Variants in PHC2 observed in about 807,000 individuals in gnomAD.
PHC2 encodes polyhomeotic-like protein 2.
In PHC2, 29 loss-of-function variants were observed where a neutral mutation model predicts 87.4. The ratio of observed to expected loss-of-function variants is 0.33; its 90% confidence interval spans 0.25 to 0.45. The LOEUF is 0.45. Among genes scored for constraint, PHC2 ranks in the 20% least tolerant of loss-of-function variants. PHC2 has a pLI of 1.00. For synonymous variants in PHC2, 438 were observed against 461.7 expected (o/e 0.95, Z 0.66); for missense variants, 857 against 1,136.7 (o/e 0.75, Z 3.54).
Position 33,352,774 on chromosome 1 carries a change from G to A in PHC2, c.1558+1627C>T, listed in dbSNP as rs532794352. 2.2e-4 allele frequency among the ~76,000 whole-genome samples: 33 copies of A among 152,284 alleles called. No individual in the cohort carries two copies. In the South Asian group the frequency reaches 6.4e-3, roughly 30 times the overall value. On this transcript the variant is annotated intron_variant, in intron 9 of 14. Coordinates refer to ENST00000683057, the MANE Select transcript of PHC2 (RefSeq NM_001385109.1). ...GTGGGAGAGTTCACGGGGGCCATTC[G>A]TGCACCATCCTGATGAAGGAAGGTG...
At position 33,330,705 on chromosome 1, in the gene PHC2, A is replaced by G. The variant is rs139763350; in HGVS notation, c.2007-493T>C. 2.8e-3 allele frequency among the ~76,000 whole-genome samples: 434 copies of G among 152,300 alleles called. 2 individuals carry two copies. Among genetic ancestry groups the G allele is most frequent in the African/African-American group, 9.9e-3 (411 of 41,564 alleles). ...TCTCTTCTGGGATTTCAGGGCTTCA[A>G]GGTCAGCTGTTGCTTCCATTGTGGT... is the stretch of plus-strand genomic sequence containing the variant. On this transcript the variant is annotated intron_variant, in intron 12 of 14. Transcript: ENST00000683057.
chr1:33,355,501 A>G (rs941744077), intron 7 of PHC2, among the ~76,000 whole-genome samples: 17 of 152,144 alleles, frequency 1.1e-4, no homozygotes, highest in African/African-American at 3.9e-4. Flanking sequence ...CCATCCCCAA[A>G]GCTCAACTCC....
intron 1 of PHC2, among the ~76,000 whole-genome samples, chr1:33,380,914 G>A (rs1461856703): frequency 3.3e-5 from 5 of 152,146 alleles, no homozygotes; most frequent in Admixed American, 6.5e-5. Context: ...TGACCAAGGT[G>A]CCCAGGTCAT....
intron 1 of PHC2, among the ~76,000 whole-genome samples, chr1:33,413,510 C>T (rs996458043): frequency 3.9e-5 from 6 of 152,286 alleles, no homozygotes; most frequent in Admixed American, 2.6e-4. Flanking sequence ...GTGGCTGGTG[C>T]AGGAGATTAT....
chr1:33,338,167 T>C (rs1167003484), intron 9 of PHC2, among the ~76,000 whole-genome samples: 2 of 152,200 alleles, frequency 1.3e-5, no homozygotes, highest in Admixed American at 1.3e-4. Flanking sequence ...AGAAGATCAC[T>C]CTTGAGGTCA....
intron 1 of PHC2, among the ~76,000 whole-genome samples, chr1:33,379,425 A>C (rs1474986018): frequency 2.1e-4 from 3 of 14,290 alleles, no homozygotes; most frequent in African/African-American, 3.2e-4. Flanking sequence ...CCCTCCCACC[A>C]TTCCCCCTGT....
intron 7 of PHC2, chr1:33,362,979 GTTAAGA>G (rs566175122): frequency 4.5e-4 from 69 of 152,326 alleles, no homozygotes; most frequent in African/African-American, 1.6e-3. Context: ...AATAATCACT[GTTAAGA>G]TTAAGTGAGA....
Position 33,324,958 on chromosome 1 carries a change from C to A in PHC2, c.2487G>T (p.Leu829=), listed in dbSNP as rs199797168. 2.7e-5 allele frequency: 43 copies of A among 1,613,982 alleles called. No individual in the cohort carries two copies. Among genetic ancestry groups the A allele is most frequent in the Middle Eastern group, 3.3e-4 (2 of 6,056 alleles). Residue 829 remains leucine (L), a synonymous_variant, in exon 15 of 15, where the codon CTG becomes CTT. Coordinates refer to ENST00000683057, the MANE Select transcript of PHC2 (RefSeq NM_001385109.1). ...CGCTCATCAGGTGGTCCTCCTTGAG[C>A]AGCAGCAGGGCTTGCCCGTCGATTT... ...AQEIDGQALL[L]LKEDHLMSAM... is the part of the protein sequence containing the mutation.
At chr1:33,347,791 G>A (rs1258991290) in intron 9 of PHC2, 2 of 939,748 alleles carry the variant, frequency 2.1e-6, no homozygotes, top group Admixed American at 6.2e-5. Flanking sequence ...GGAAAGGGCA[G>A]GTGCCAAAAG....
chr1:33,370,914 C>T lies in PHC2; in HGVS notation c.411+103G>A. On this transcript the variant is annotated intron_variant, in intron 4 of 14. Coordinates refer to ENST00000683057, the MANE Select transcript of PHC2 (RefSeq NM_001385109.1). Reference sequence around the variant, plus strand: ...CCCGGTAAGGGCAATAGATTCCAGCCATGATGCTACATGGCCACGGATTCA... The same window carrying T: ...CCCGGTAAGGGCAATAGATTCCAGCTATGATGCTACATGGCCACGGATTCA... 3 of 939,638 alleles carry T rather than the reference C, an allele frequency of 3.2e-6. No homozygotes were observed. The Admixed American group carries it at 5.2e-5, about 16-fold the overall frequency. The allele number at this position is 939,638 out of a possible 1,614,324, so 58.2% of individuals were successfully genotyped here.
chr1:33,394,233 T>G (rs191384378), intron 1 of PHC2, among the ~76,000 whole-genome samples: 70 of 152,220 alleles, frequency 4.6e-4, no homozygotes, highest in African/African-American at 1.6e-3. Flanking sequence ...AAGCAGATCT[T>G]TTGACTCAAG....
At chr1:33,404,296 AG>A (rs1348492898) in intron 1 of PHC2, among the ~76,000 whole-genome samples, 2 of 152,148 alleles carry the variant, frequency 1.3e-5, no homozygotes, top group African/African-American at 4.8e-5. Flanking sequence ...TTTTCTTCCT[AG>A]GAAAAGGTTG....
rs1467073767 is a variant in PHC2 at position 33,382,267 on chromosome 1, A to G, written c.-54-6674T>C. Among the ~76,000 whole-genome samples the G allele has an allele frequency of 6.6e-6, 1 of 152,058 alleles. No individual in the cohort carries two copies. The highest frequency in any genetic ancestry group is 6.6e-5 in the Admixed American group (1 of 15,254). On this transcript the variant is annotated intron_variant, in intron 1 of 14. Transcript: ENST00000683057. This position sits in a 1 kb window ranked among gnomAD's most constrained non-coding sequence, Gnocchi z 4.3. ...AGTTCTGGCTGCTGGAGAGTAGCGG[A>G]GGCATTCTGCAGTCTCAGTAAGGGC... is the stretch of plus-strand genomic sequence containing the variant.
chr1:33,367,428 C>T lies in PHC2; in HGVS notation c.664G>A (p.Val222Ile), dbSNP rs1172957597. ...TGTGTTCGGAGGGTCAAGTTCTGTACCTGGAAAAGAGGGGTCTGTGGGAGT... is the reference window on the plus strand; with the variant it reads ...TGTGTTCGGAGGGTCAAGTTCTGTATCTGGAAAAGAGGGGTCTGTGGGAGT... ...SPARPPTPAQ[V>I]QNLTLRTQQT... Residue 222 changes from valine to isoleucine, a missense_variant and splice_region_variant, in exon 7 of 15, where the codon GTA (valine) becomes ATA (isoleucine). Val to Ile is a conservative substitution (Grantham distance 29, BLOSUM62 3). Coordinates refer to ENST00000683057, the MANE Select transcript of PHC2 (RefSeq NM_001385109.1). 1 of 1,550,488 alleles carries T rather than the reference C, an allele frequency of 6.4e-7. No homozygotes were observed. Among genetic ancestry groups the T allele is most frequent in the East Asian group, 2.3e-5 (1 of 44,086 alleles).
chr1:33,328,705 T>C (rs1356696873), intron 14 of PHC2, among the ~76,000 whole-genome samples, 165 bp downstream of exon 14: 2 of 152,234 alleles, frequency 1.3e-5, no homozygotes, highest in Non-Finnish European at 2.9e-5. Flanking sequence ...ATGCTGAATA[T>C]AAGCAAGCTC....
intron 7 of PHC2, among the ~76,000 whole-genome samples, chr1:33,357,911 A>G (rs368934716): frequency 6.6e-6 from 1 of 152,132 alleles, no homozygotes; most frequent in Admixed American, 6.5e-5. Context: ...GGGGCTGCCT[A>G]TGTGAGGTGG....
chr1:33,368,396 G>A lies in PHC2; in HGVS notation c.663+140C>T. The A allele has an allele frequency of 1.6e-6, 1 of 608,088 alleles. No individual in the cohort carries two copies. The allele number at this position is 608,088 out of a possible 1,614,324, so 37.7% of individuals were successfully genotyped here. A position where few individuals can be genotyped will look rare whatever the true frequency, so the allele number is the denominator to read the frequency against. On this transcript the variant is annotated intron_variant, in intron 6 of 14. Coordinates refer to ENST00000683057, the MANE Select transcript of PHC2 (RefSeq NM_001385109.1). This position sits in a 1 kb window ranked among gnomAD's most constrained non-coding sequence, Gnocchi z 6.6. ...CCTTCTGGAACAGGGTAGACGCGCAGGCCTGGGGGCATTGGGGTGTCCTGT... is the reference window on the plus strand; with the variant it reads ...CCTTCTGGAACAGGGTAGACGCGCAAGCCTGGGGGCATTGGGGTGTCCTGT...
Position 33,382,624 on chromosome 1 carries a change from A to G in PHC2, c.-54-7031T>C, listed in dbSNP as rs965336776. 6.6e-6 allele frequency among the ~76,000 whole-genome samples: 1 copy of G among 152,050 alleles called. No individual in the cohort carries two copies. Among genetic ancestry groups the G allele is most frequent in the South Asian group, 2.1e-4 (1 of 4,820 alleles). Reference sequence around the variant, plus strand: ...CGGGCTCTGAAGGGCTATGATTCCTATTTAAGTCACTTCTCCCCTCCTAAC... The same window carrying G: ...CGGGCTCTGAAGGGCTATGATTCCTGTTTAAGTCACTTCTCCCCTCCTAAC... On this transcript the variant is annotated intron_variant, in intron 1 of 14. Coordinates refer to ENST00000683057, the MANE Select transcript of PHC2 (RefSeq NM_001385109.1). This position sits in a 1 kb window ranked among gnomAD's most constrained non-coding sequence, Gnocchi z 4.3.
chr1:33,356,276 T>TATATATATATATATATATATATATATAC (rs1557831073), intron 7 of PHC2, among the ~76,000 whole-genome samples: 10 of 59,446 alleles, frequency 1.7e-4, no homozygotes, highest in East Asian at 1.3e-3. Context: ...TATATATATA[T>TATATATATATATATATATATATATATAC]GTATATATAT....
Sources: gnomAD v4.1 joint callset for allele counts (sites outside exome capture counted in the v4.1 genomes callset) on GRCh38, gnomAD v4.1.1 for gene constraint, Gnocchi (gnomAD v3.1) non-coding constraint, MANE v1.5 for transcripts, NCBI Gene and HGNC (gene_info 2026-07-23, HGNC 2026-07-21) for gene names.